FHL5: variants seen among roughly 807,000 people sequenced by gnomAD.
The protein encoded by FHL5 is four and a half LIM domains protein 5.
FHL5 carries 33 observed loss-of-function variants against 32.0 expected under a neutral mutation model. The observed-to-expected ratio is 1.03, with a 90% CI of 0.78 to 1.38. The LOEUF (loss-of-function observed/expected upper bound fraction) is 1.38, where lower values mean the gene tolerates loss of function less well. Ranked by LOEUF, FHL5 falls within the 40% of genes most tolerant of loss-of-function variation. FHL5 has a pLI of 0.00. For synonymous variants in FHL5, 114 were observed against 113.6 expected, an observed-to-expected ratio of 1.00 and a Z score of -0.02; for missense variants, 336 against 343.9, an observed-to-expected ratio of 0.98 and a Z score of 0.18.
intron 1 of FHL5, among the ~76,000 whole-genome samples, chr6:96,584,768 T>G (rs1770765124): frequency 6.6e-6 from 1 of 152,126 alleles, no homozygotes; most frequent in South Asian, 2.1e-4. Flanking sequence ...TAAAGAAATA[T>G]GTAATATTTT....
intron 1 of FHL5, among the ~76,000 whole-genome samples, chr6:96,595,160 A>C (rs1050233711): frequency 4.6e-5 from 7 of 151,228 alleles, no homozygotes; most frequent in African/African-American, 1.7e-4. Context: ...CCTTCAGTGA[A>C]GGTTTTTTGG....
intron 1 of FHL5, among the ~76,000 whole-genome samples, chr6:96,576,429 G>A (rs1436861102): frequency 6.6e-6 from 1 of 152,238 alleles, no homozygotes; most frequent in Non-Finnish European, 1.5e-5. Context: ...ACACGAACAT[G>A]CAGCCAGGTC....
At chr6:96,611,289 T>C (rs1425931034) in intron 5 of FHL5, among the ~76,000 whole-genome samples, 3 of 152,200 alleles carry the variant, frequency 2.0e-5, no homozygotes, top group Non-Finnish European at 4.4e-5. Flanking sequence ...ACAAATGTAT[T>C]ACTCTCTTTT....
chr6:96,607,642 T>G (rs1771312897), intron 4 of FHL5, among the ~76,000 whole-genome samples: 1 of 152,070 alleles, frequency 6.6e-6, no homozygotes, highest in Admixed American at 6.6e-5. Flanking sequence ...TCAAGCCATA[T>G]GACATATGAA....
Position 96,618,113 on chromosome 6 carries a change from A to G in FHL5, c.*2341A>G, listed in dbSNP as rs557655560. 6.6e-6 allele frequency among the ~76,000 whole-genome samples: 1 copy of G among 152,342 alleles called. No individual in the cohort carries two copies. The highest frequency in any genetic ancestry group is 1.9e-4 in the East Asian group (1 of 5,180). On this transcript the variant is annotated 3_prime_UTR_variant, in exon 6 of 6. Coordinates refer to ENST00000450218, the MANE Select transcript of FHL5 (RefSeq NM_001322466.2). ...CATAGCACACATATGCAAAACAACT[A>G]AGAAAAAGACCTCCTTAGGTCTTTG...
At position 96,610,576 on chromosome 6, in the gene FHL5, T is replaced by C; in HGVS notation, c.509T>C (p.Ile170Thr). The change falls in exon 5 of 6, where the codon ATA becomes ACA. Residue 170 changes from isoleucine to threonine, a missense_variant. Coordinates refer to ENST00000450218, the MANE Select transcript of FHL5 (RefSeq NM_001322466.2). ...AHYCNFCKKVITSGGITFCDQ... is the reference protein window; with the variant it reads ...AHYCNFCKKVTTSGGITFCDQ... ...CTTTTCTGTGGTCTTTGGCAGGTGA[T>C]AACTTCAGGTGGGATAACATTTTGT... 1 of 1,612,888 alleles carries C rather than the reference T, an allele frequency of 6.2e-7. No homozygotes were observed. The highest frequency in any genetic ancestry group is 1.3e-5 in the African/African-American group (1 of 75,034).
chr6:96,566,240 G>A (rs1770354973), intron 1 of FHL5, among the ~76,000 whole-genome samples: 1 of 151,848 alleles, frequency 6.6e-6, no homozygotes, highest in African/African-American at 2.4e-5. Context: ...ATATTCATGA[G>A]GACATGCAGT....
intron 5 of FHL5, among the ~76,000 whole-genome samples, chr6:96,613,465 G>C (rs1398485592): frequency 6.6e-6 from 1 of 152,154 alleles, no homozygotes; most frequent in Non-Finnish European, 1.5e-5. Flanking sequence ...CAAAAGACTT[G>C]GTCCTCCCTG....
intron 1 of FHL5, among the ~76,000 whole-genome samples, chr6:96,574,248 G>A (rs2127960275): frequency 6.6e-6 from 1 of 152,202 alleles, no homozygotes; most frequent in East Asian, 1.9e-4. Flanking sequence ...TTAAACTTAA[G>A]CATACTTTAA....
intron 1 of FHL5, among the ~76,000 whole-genome samples, chr6:96,585,393 A>G (rs973043006): frequency 1.3e-5 from 2 of 152,190 alleles, no homozygotes; most frequent in African/African-American, 4.8e-5. Context: ...AGATATATTT[A>G]TACAGGTAAA....
intron 1 of FHL5, among the ~76,000 whole-genome samples, chr6:96,566,984 T>C (rs1210302097): frequency 6.6e-6 from 1 of 152,066 alleles, no homozygotes; most frequent in Non-Finnish European, 1.5e-5. Flanking sequence ...AGAAGCTTTT[T>C]AGTTTGACAT....
chr6:96,602,424 T>TCC (rs1771169127), intron 1 of FHL5, among the ~76,000 whole-genome samples: 1 of 112,288 alleles, frequency 8.9e-6, no homozygotes, highest in African/African-American at 3.7e-5. Context: ...TATGCGTTGT[T>TCC]TCTTTTTTTT....
chr6:96,579,751 A>G (rs1770660051), intron 1 of FHL5, among the ~76,000 whole-genome samples: 1 of 152,228 alleles, frequency 6.6e-6, no homozygotes, highest in African/African-American at 2.4e-5. Context: ...AACTTCATGT[A>G]TATGACAAGG....
At chr6:96,614,748 C>T (rs79136268) in intron 5 of FHL5, among the ~76,000 whole-genome samples, 1,753 of 152,294 alleles carry the variant, frequency 0.012, 14 homozygotes, top group Non-Finnish European at 0.02. Context: ...TTTAATGTAA[C>T]TTCTCAAAAT....
intron 1 of FHL5, among the ~76,000 whole-genome samples, chr6:96,593,393 C>T (rs1171405086): frequency 1.3e-5 from 2 of 152,012 alleles, no homozygotes; most frequent in Non-Finnish European, 2.9e-5. Context: ...GTAATTGAGG[C>T]CTAAGATGAT....
chr6:96,610,495 G>C, intron 4 of FHL5, 77 bp from the exon 5 acceptor site: 2 of 1,047,618 alleles, frequency 1.9e-6, no homozygotes, highest in Non-Finnish European at 2.8e-6. Context: ...AGAGATACTA[G>C]GATCTCAAAA....
intron 5 of FHL5, 49 bp downstream of exon 5, chr6:96,610,807 T>C (rs1771390989): frequency 1.6e-6 from 2 of 1,273,894 alleles, no homozygotes; most frequent in South Asian, 1.4e-5. Flanking sequence ...GTTATGACTT[T>C]ATGAAACACT....
At chr6:96,583,667 C>T (rs1770739837) in intron 1 of FHL5, among the ~76,000 whole-genome samples, 1 of 152,096 alleles carries the variant, frequency 6.6e-6, no homozygotes, top group African/African-American at 2.4e-5. Flanking sequence ...CCTACTTTTG[C>T]TGTTTCTTTG....
At position 96,605,970 on chromosome 6, in the gene FHL5, C is replaced by T. The variant is rs371519414; in HGVS notation, c.403C>T (p.Gln135Ter). 5.0e-6 allele frequency: 8 copies of T among 1,613,912 alleles called. No individual in the cohort carries two copies. Among genetic ancestry groups the T allele is most frequent in the Middle Eastern group, 1.6e-4 (1 of 6,084 alleles). Reference protein sequence around the residue: ...ETCFVCENCRQPIGTKPLISK... With the variant: ...ETCFVCENCR ...CTGTTTTGTGTGTGAGAATTGCCGA[C>T]AACCTATAGGGACAAAGCCTTTGAT... The change falls in exon 4 of 6, where the codon CAA (glutamine) becomes TAA (stop). Residue 135 changes from glutamine to a stop codon, truncating the protein, a stop_gained. Coordinates refer to ENST00000450218, the MANE Select transcript of FHL5 (RefSeq NM_001322466.2). LOFTEE classifies it high-confidence loss of function.
Sources: allele counts gnomAD v4.1 joint callset (sites outside exome capture counted in the v4.1 genomes callset), GRCh38; gene constraint gnomAD v4.1.1; transcripts MANE v1.5; gene names NCBI Gene and HGNC (gene_info 2026-07-23, HGNC 2026-07-21).